The following ACSL3 variants were observed in gnomAD, a reference collection of about 807,000 sequenced individuals.
ACSL3 encodes the protein acyl-CoA synthetase long chain family member 3.
Under a neutral mutation model 84.7 loss-of-function variants are expected in ACSL3, and 34 were observed. The ratio of observed to expected loss-of-function variants is 0.40; its 90% CI spans 0.31 to 0.53. The LOEUF (loss-of-function observed/expected upper bound fraction) is 0.53. Among genes scored for constraint, ACSL3 ranks in the 20% least tolerant of loss-of-function variants. The pLI, the probability that ACSL3 is intolerant of heterozygous loss-of-function variation, is 0.48. For synonymous variants in ACSL3, 315 were observed against 299.4 expected (o/e 1.05, Z -0.54); for missense variants, 680 against 873.1 (o/e 0.78, Z 2.79).
intron 2 of ACSL3, among the ~76,000 whole-genome samples, chr2:222,893,352 C>T (rs795887): frequency 0.84 from 127,365 of 152,096 alleles, 53,702 homozygotes; most frequent in East Asian, 0.97. Context: ...CTTGCTCTGT[C>T]AGTAGGGTGT....
chr2:222,919,054 G>C lies in ACSL3; in HGVS notation c.667-10G>C. The stretch of plus-strand genomic sequence containing the variant: ...AATAATGAACGTGATGAATGTTGGT[G>C]TATTTCTAGGATATAGTTTCTTTGG... On this transcript the variant is annotated splice_polypyrimidine_tract_variant and intron_variant, in intron 6 of 16. Coordinates refer to ENST00000357430, the MANE Select transcript of ACSL3 (RefSeq NM_004457.5). 6.2e-7 allele frequency: 1 copy of C among 1,612,144 alleles called. No homozygotes were observed. The highest frequency in any genetic ancestry group is 1.1e-5 in the South Asian group (1 of 90,860).
At chr2:222,889,107 A>G (rs1695786969) in intron 2 of ACSL3, among the ~76,000 whole-genome samples, 1 of 152,198 alleles carries the variant, frequency 6.6e-6, no homozygotes, top group South Asian at 2.1e-4. Flanking sequence ...GATAATTATG[A>G]CATATTAAAT....
chr2:222,933,874 C>T (rs1697101149), intron 15 of ACSL3, among the ~76,000 whole-genome samples: 1 of 152,156 alleles, frequency 6.6e-6, no homozygotes, highest in Admixed American at 6.5e-5. Flanking sequence ...GGGGGTACAG[C>T]CCAAGTTAGA....
chr2:222,900,412 A>G (rs1696108490), intron 2 of ACSL3, among the ~76,000 whole-genome samples: 1 of 151,932 alleles, frequency 6.6e-6, no homozygotes, highest in African/African-American at 2.4e-5. Flanking sequence ...GGGCATTCTC[A>G]TCCTTCTCTT....
chr2:222,941,208 G>A (rs1697296440), intron 16 of ACSL3, among the ~76,000 whole-genome samples: 1 of 152,126 alleles, frequency 6.6e-6, no homozygotes, highest in Non-Finnish European at 1.5e-5. Flanking sequence ...GGGATTACAG[G>A]CATGAGCCAT....
chr2:222,893,893 G>A (rs892033440), intron 2 of ACSL3, among the ~76,000 whole-genome samples: 2 of 151,936 alleles, frequency 1.3e-5, no homozygotes, highest in Non-Finnish European at 2.9e-5. Flanking sequence ...GTGCTTTGGT[G>A]TGATCACAGC....
intron 1 of ACSL3, among the ~76,000 whole-genome samples, chr2:222,882,759 C>CTTTT (rs1559280568): frequency 1.1e-4 from 7 of 61,010 alleles, no homozygotes; most frequent in East Asian, 8.8e-4. Context: ...CTCCAGATCA[C>CTTTT]TGTTTTTTTT....
At chr2:222,884,247 C>T (rs1695668076) in intron 1 of ACSL3, among the ~76,000 whole-genome samples, 1 of 152,124 alleles carries the variant, frequency 6.6e-6, no homozygotes, top group African/African-American at 2.4e-5. Context: ...TATGTCATCC[C>T]CCTGCTAATA....
At chr2:222,924,708 A>T in intron 11 of ACSL3, 113 bp downstream of exon 11, 1 of 1,218,318 alleles carries the variant, frequency 8.2e-7, no homozygotes, top group African/African-American at 1.6e-5. Context: ...TATTTCATAA[A>T]GTCAAGAGAA....
chr2:222,911,417 C>T (rs1696437445), intron 4 of ACSL3, among the ~76,000 whole-genome samples: 1 of 152,182 alleles, frequency 6.6e-6, no homozygotes, highest in Admixed American at 6.5e-5. Flanking sequence ...TGAGAAGGTA[C>T]TGAAAACAGT....
In ACSL3 at chr2:222,921,333, A is replaced by C; in HGVS notation, c.859A>C (p.Thr287Pro). 1 of 1,604,086 alleles carries C rather than the reference A, an allele frequency of 6.2e-7. No individual in the cohort carries two copies. Among genetic ancestry groups the C allele is most frequent in the South Asian group, 1.1e-5 (1 of 90,758 alleles). ...CTCAGATATTGCAGTAATCATGTAC[A>C]CAAGTGGATCCACAGGACTTCCAAA... is the stretch of plus-strand genomic sequence containing the variant. ...LPSDIAVIMYTSGSTGLPKGV... is the reference protein window; with the variant it reads ...LPSDIAVIMYPSGSTGLPKGV... Residue 287 changes from threonine to proline, a missense_variant, in exon 8 of 17, where the codon ACA (threonine) becomes CCA (proline). Thr to Pro is a conservative substitution (Grantham distance 38). Transcript: ENST00000357430.
intron 1 of ACSL3, among the ~76,000 whole-genome samples, chr2:222,884,461 G>T (rs954151271): frequency 3.9e-5 from 6 of 152,190 alleles, no homozygotes; most frequent in African/African-American, 1.2e-4. Context: ...TGAAATCAAA[G>T]TATCAGCAGA....
intron 7 of ACSL3, chr2:222,920,939 A>C (rs748437824): frequency 3.5e-5 from 17 of 482,818 alleles, no homozygotes; most frequent in Non-Finnish European, 6.8e-5. Context: ...CAGGGTTTCC[A>C]TGGCTCCCTT....
At chr2:222,891,098 ATT>A (rs1559284051) in intron 2 of ACSL3, among the ~76,000 whole-genome samples, 1 of 152,230 alleles carries the variant, frequency 6.6e-6, no homozygotes, top group Admixed American at 6.5e-5. Context: ...ATCCTCAAAT[ATT>A]CATGAGCCAG....
At position 222,931,152 on chromosome 2, in the gene ACSL3, A is replaced by G. The variant is rs561707132; in HGVS notation, c.1732+340A>G. 2.6e-5 allele frequency among the ~76,000 whole-genome samples: 4 copies of G among 152,320 alleles called. No individual in the cohort carries two copies. The South Asian group carries it at 6.2e-4, about 24-fold the overall frequency. On this transcript the variant is annotated intron_variant, in intron 14 of 16. Transcript: ENST00000357430. ...CTTGCCTTGCCCTGCCCAGGAGAAT[A>G]GAGGAAAGCCAGGCAGCTCAAGTAC...
chr2:222,936,701 A>G (rs1697180213), intron 16 of ACSL3, among the ~76,000 whole-genome samples: 1 of 149,912 alleles, frequency 6.7e-6, no homozygotes. Flanking sequence ...ATAAAGACAT[A>G]CCTGAGACTG....
In ACSL3 at chr2:222,922,720, C is replaced by G; in HGVS notation, c.969C>G (p.Val323=). 6.2e-7 allele frequency: 1 copy of G among 1,614,072 alleles called. No individual in the cohort carries two copies. The highest frequency in any genetic ancestry group is 8.5e-7 in the Non-Finnish European group (1 of 1,179,964). Residue 323 remains valine, a synonymous_variant, in exon 9 of 17, where the codon GTC becomes GTG. Coordinates refer to ENST00000357430, the MANE Select transcript of ACSL3 (RefSeq NM_004457.5). ...CCTTTTCTTTTAGAGAGGAAGATGT[C>G]TACATTGGATATTTGCCTCTGGCCC... ...ERIPELGEED[V]YIGYLPLAHV...
chr2:222,877,503 A>G (rs1014672382), intron 1 of ACSL3, among the ~76,000 whole-genome samples: 6 of 152,238 alleles, frequency 3.9e-5, no homozygotes, highest in Middle Eastern at 3.4e-3. Flanking sequence ...AAACATCTAT[A>G]TTGGCATTTG....
At chr2:222,869,078 G>T (rs1034027859) in intron 1 of ACSL3, among the ~76,000 whole-genome samples, 4 of 152,112 alleles carry the variant, frequency 2.6e-5, no homozygotes, top group Non-Finnish European at 5.9e-5. Flanking sequence ...ATTACCAAGG[G>T]TCTACTCTTG....
Sources: gnomAD v4.1 joint callset for allele counts (sites outside exome capture counted in the v4.1 genomes callset) on GRCh38, gnomAD v4.1.1 for gene constraint, MANE v1.5 for transcripts, NCBI Gene and HGNC (gene_info 2026-07-23, HGNC 2026-07-21) for gene names.